The following RGS6 variants were observed in gnomAD, a reference collection of about 807,000 sequenced individuals.
The protein encoded by RGS6 is regulator of G protein signaling 6, also known as regulator of G-protein signaling 6.
Under a neutral mutation model 78.5 loss-of-function variants are expected in RGS6, and 30 were observed. That is an observed-to-expected ratio of 0.38 (90% CI 0.29 to 0.52). RGS6 has a LOEUF of 0.52. Ranked by LOEUF, RGS6 falls within the 20% of genes least tolerant of loss-of-function variation. The probability of loss-of-function intolerance (pLI) is 0.85; values close to 1 mark genes in which losing one functional copy is unlikely to be tolerated. For synonymous variants in RGS6, 206 were observed against 206.0 expected (o/e 1.00, Z 0.00); for missense variants, 495 against 609.7 (o/e 0.81, Z 1.98).
intron 2 of RGS6, among the ~76,000 whole-genome samples, chr14:72,079,178 T>C (rs892595966): frequency 6.6e-6 from 1 of 152,190 alleles, no homozygotes; most frequent in East Asian, 1.9e-4. Flanking sequence ...GCCTTTTTTT[T>C]TTCCCCCTAT....
At chr14:72,396,723 A>G (rs538392499) in intron 3 of RGS6, among the ~76,000 whole-genome samples, 343 of 152,190 alleles carry the variant, frequency 2.3e-3, no homozygotes, top group African/African-American at 7.8e-3. Context: ...ATTTTTGTAT[A>G]AGGTGTAAGG....
At chr14:72,358,144 A>T (rs1304390350) in intron 3 of RGS6, among the ~76,000 whole-genome samples, 1 of 152,204 alleles carries the variant, frequency 6.6e-6, no homozygotes, top group Non-Finnish European at 1.5e-5. Flanking sequence ...GGGAACCTCC[A>T]TCTTGATTTC....
chr14:72,536,026 G>A (rs1348687821), intron 15 of RGS6, among the ~76,000 whole-genome samples, 160 bp from the exon 16 acceptor site: 1 of 152,204 alleles, frequency 6.6e-6, no homozygotes, highest in Non-Finnish European at 1.5e-5. Context: ...CTGAGTTTGG[G>A]GGTGTGGGGA....
chr14:72,050,129 A>C (rs895466372), intron 2 of RGS6, among the ~76,000 whole-genome samples: 13 of 152,326 alleles, frequency 8.5e-5, no homozygotes, highest in Admixed American at 2.6e-4. Flanking sequence ...CCAATTTAAT[A>C]TGAGGTAAAC....
intron 3 of RGS6, among the ~76,000 whole-genome samples, chr14:72,429,348 G>A (rs1380179195): frequency 1.3e-5 from 2 of 152,228 alleles, no homozygotes; most frequent in African/African-American, 4.8e-5. Context: ...GTGAGTGGAT[G>A]TTGAGGGCCC....
the RGS6 span, among the ~76,000 whole-genome samples, chr14:71,911,532 T>G: frequency 6.6e-6 from 1 of 152,182 alleles, no homozygotes; most frequent in Non-Finnish European, 1.5e-5. Flanking sequence ...TACCGTAGGC[T>G]TAGGCAAATC....
At chr14:72,486,167 C>T (rs1441425074) in intron 12 of RGS6, among the ~76,000 whole-genome samples, 1 of 152,136 alleles carries the variant, frequency 6.6e-6, no homozygotes, top group Non-Finnish European at 1.5e-5. Flanking sequence ...TTTGCTTCCC[C>T]TTCCCCCATG....
chr14:72,411,542 A>G lies in RGS6; in HGVS notation c.185-42986A>G, dbSNP rs183407553. Among the ~76,000 whole-genome samples, 1,160 of 152,152 alleles carry G rather than the reference A, an allele frequency of 7.6e-3. 3 individuals carry two copies. Among genetic ancestry groups the G allele is most frequent in the Non-Finnish European group, 0.012 (799 of 67,988 alleles). On this transcript the variant is annotated intron_variant, in intron 3 of 17. Transcript: ENST00000553525. Reference sequence around the variant, plus strand: ...GACAATTTGACTTCCTCTTTTCCTAAATGAATACCCTTTATTTCCTTCTCC... The same window carrying G: ...GACAATTTGACTTCCTCTTTTCCTAGATGAATACCCTTTATTTCCTTCTCC...
At chr14:72,025,286 G>A (rs540827395) in intron 2 of RGS6, among the ~76,000 whole-genome samples, 1 of 152,078 alleles carries the variant, frequency 6.6e-6, no homozygotes, top group African/African-American at 2.4e-5. Flanking sequence ...TCCCCTTCAA[G>A]TTGTATCTGT....
rs372021926 is a variant in RGS6, at chr14:72,509,135, C to T, written c.966-1019C>T. On this transcript the variant is annotated intron_variant, in intron 13 of 17. Coordinates refer to ENST00000553525, the MANE Select transcript of RGS6 (RefSeq NM_001204424.2). ...ATCCCAGCACTTTGGGAGGCTGAGG[C>T]GGGTGGATCACGAGGTCAGGAGATT... Among the ~76,000 whole-genome samples, 45 of 152,094 alleles carry T rather than the reference C, an allele frequency of 3.0e-4. 1 individual carries two copies. In the East Asian group the frequency reaches 6.6e-3, roughly 22 times the overall value.
chr14:72,225,785 G>A (rs699363), intron 2 of RGS6, among the ~76,000 whole-genome samples: 144,139 of 152,320 alleles, frequency 0.95, 68,451 homozygotes, highest in East Asian at 1. Flanking sequence ...ATCAAATCTG[G>A]CTTCTTCACT....
At position 72,540,077 on chromosome 14, in the gene RGS6, A is replaced by G; in HGVS notation, c.1405A>G (p.Lys469Glu). The part of the protein sequence containing the change: ...SEQGRRTSLE[K>E]FTRSVGKSLA... ...GCAAGGTCGTAGAACTTCCCTAGAA[A>G]AGTTCACTCGCAGTGTGGTAAGTTC... The change falls in exon 17 of 18, where the codon AAG (lysine) becomes GAG (glutamate). Residue 469 changes from lysine to glutamate, a missense_variant. Lys to Glu is a moderately conservative substitution (Grantham distance 56). Coordinates refer to ENST00000553525, the MANE Select transcript of RGS6 (RefSeq NM_001204424.2). The G allele has an allele frequency of 6.3e-7, 1 of 1,588,852 alleles. No individual in the cohort carries two copies. The highest frequency in any genetic ancestry group is 8.5e-7 in the Non-Finnish European group (1 of 1,177,298).
At chr14:72,088,753 C>G (rs2095153562) in intron 2 of RGS6, among the ~76,000 whole-genome samples, 1 of 152,142 alleles carries the variant, frequency 6.6e-6, no homozygotes, top group Non-Finnish European at 1.5e-5. Context: ...AGGGGGCTCT[C>G]CATGCTCTAG....
chr14:71,978,834 A>C (rs1449029972), intron 2 of RGS6, among the ~76,000 whole-genome samples: 16 of 151,732 alleles, frequency 1.1e-4, no homozygotes, highest in South Asian at 4.2e-4. Flanking sequence ...TTTCAGAAGG[A>C]ATGGTACCAG....
the RGS6 span, among the ~76,000 whole-genome samples, chr14:71,897,481 T>C: frequency 1.3e-5 from 2 of 152,180 alleles, no homozygotes; most frequent in Admixed American, 1.3e-4. Context: ...GGTCTCATGG[T>C]CTCATTACCC....
chr14:72,434,196 A>G (rs2094794231), intron 3 of RGS6, among the ~76,000 whole-genome samples: 1 of 151,896 alleles, frequency 6.6e-6, no homozygotes, highest in Admixed American at 6.6e-5. Context: ...AATTATCCAG[A>G]GGTGGTGGCA....
chr14:72,204,019 T>C (rs536288941), intron 2 of RGS6, among the ~76,000 whole-genome samples: 1 of 152,088 alleles, frequency 6.6e-6, no homozygotes, highest in Non-Finnish European at 1.5e-5. Flanking sequence ...AGACGGGGTT[T>C]TGCCATGTTG....
At chr14:72,276,089 C>G (rs946370597) in intron 2 of RGS6, among the ~76,000 whole-genome samples, 2 of 152,036 alleles carry the variant, frequency 1.3e-5, no homozygotes, top group African/African-American at 4.8e-5. Flanking sequence ...ACATGTCTGC[C>G]CATAAATAAA....
chr14:72,420,112 A>G (rs2094090183), intron 3 of RGS6, among the ~76,000 whole-genome samples: 1 of 152,242 alleles, frequency 6.6e-6, no homozygotes, highest in African/African-American at 2.4e-5. Flanking sequence ...TGACTCACTC[A>G]GTGTACCAAG....
Sources: gnomAD v4.1 joint callset for allele counts (sites outside exome capture counted in the v4.1 genomes callset) on GRCh38, gnomAD v4.1.1 for gene constraint, MANE v1.5 for transcripts, NCBI Gene and HGNC (gene_info 2026-07-23, HGNC 2026-07-21) for gene names.